Variants in EED observed in about 807,000 individuals in gnomAD.
The protein encoded by EED is embryonic ectoderm development, also known as polycomb protein EED.
EED carries 9 observed loss-of-function variants against 61.0 expected under a neutral mutation model. That is an observed-to-expected ratio of 0.15 (90% CI 0.09 to 0.26). The LOEUF is 0.26. Ranked by LOEUF, EED falls within the 10% of genes least tolerant of loss-of-function variation. The pLI is 1.00. For missense variants in EED, 315 were observed against 542.3 expected (o/e 0.58, Z 4.16); for synonymous variants, 187 against 174.4 (o/e 1.07, Z -0.57).
chr11:86,262,633 C>T (rs773879360), intron 6 of EED, among the ~76,000 whole-genome samples: 10 of 151,968 alleles, frequency 6.6e-5, no homozygotes, highest in Non-Finnish European at 1.3e-4. Flanking sequence ...ACTTCAGCCT[C>T]CCGAGTAGCT....
chr11:86,261,450 T>A (rs1041861472), intron 6 of EED, among the ~76,000 whole-genome samples: 4 of 152,204 alleles, frequency 2.6e-5, no homozygotes, highest in African/African-American at 9.6e-5. Flanking sequence ...TAGCATCTTA[T>A]GAGTTGGAGT....
At chr11:86,250,901 G>A (rs1024060561) in intron 2 of EED, among the ~76,000 whole-genome samples, 4 of 151,882 alleles carry the variant, frequency 2.6e-5, no homozygotes, top group African/African-American at 7.2e-5. Flanking sequence ...TGTTTTCAAA[G>A]AAAAAGGTGT....
rs143839328 is a variant in EED at position 86,277,184 on chromosome 11, A to C, written c.1125+46A>C. On this transcript the variant is annotated intron_variant, in intron 10 of 11. Coordinates refer to ENST00000263360, the MANE Select transcript of EED (RefSeq NM_003797.5). The stretch of plus-strand genomic sequence containing the variant: ...TTTGAAATGATCTGACTTATGAAAG[A>C]CCATTGTAATTCTAGCTTTTTCTGT... 6.6e-3 allele frequency: 9,798 copies of C among 1,485,112 alleles called. 52 individuals are homozygous for C. Among genetic ancestry groups the C allele is most frequent in the South Asian group, 0.016 (1,157 of 71,926 alleles). The allele number at this position is 1,485,112 out of a possible 1,614,324, so 92.0% of individuals were successfully genotyped here.
At chr11:86,253,337 C>T (rs1363740120) in intron 3 of EED, among the ~76,000 whole-genome samples, 1 of 152,126 alleles carries the variant, frequency 6.6e-6, no homozygotes, top group Non-Finnish European at 1.5e-5. Context: ...GAATGTAGTG[C>T]ATTAATTAAA....
intron 7 of EED, chr11:86,265,857 G>T (rs567801473): frequency 6.3e-6 from 2 of 317,318 alleles, no homozygotes; most frequent in Admixed American, 9.9e-5. Context: ...TTTTTTCTTG[G>T]TTTATACATT....
chr11:86,258,114 T>A (rs1242187856), intron 6 of EED, among the ~76,000 whole-genome samples: 2 of 152,090 alleles, frequency 1.3e-5, no homozygotes, highest in Admixed American at 1.3e-4. Flanking sequence ...TACCCTCCAG[T>A]AGGCCCCAGT....
intron 2 of EED, 89 bp downstream of exon 2, chr11:86,250,537 T>G (rs1945504296): frequency 3.0e-6 from 4 of 1,336,990 alleles, no homozygotes; most frequent in Non-Finnish European, 3.9e-6. Flanking sequence ...GGATACTCTG[T>G]CAAGTTGTAA....
rs528556395 is a variant in EED, at chr11:86,261,442, G to T, written c.635-2730G>T. Among the ~76,000 whole-genome samples, 56 of 152,344 alleles carry T rather than the reference G, an allele frequency of 3.7e-4. 2 individuals carry two copies. The highest frequency in any genetic ancestry group is 3.6e-3 in the Admixed American group (55 of 15,310). ...GGGTTTGCCACGTGCAGCCCACATA[G>T]CATCTTATGAGTTGGAGTCGGGTGC... On this transcript the variant is annotated intron_variant, in intron 6 of 11. Transcript: ENST00000263360.
chr11:86,266,145 G>T lies in EED; in HGVS notation c.789G>T (p.Trp263Cys). 6.2e-7 allele frequency: 1 copy of T among 1,605,530 alleles called. No homozygotes were observed. The highest frequency in any genetic ancestry group is 1.7e-5 in the Admixed American group (1 of 59,514). Residue 263 changes from tryptophan (W) to cysteine (C), a missense_variant, in exon 8 of 12, where the codon TGG becomes TGT. Physicochemically the swap from Trp to Cys is radical, Grantham distance 215. This residue lies in a region of EED where 205 missense variants were observed against 455.4 expected (regional missense o/e 0.45). Coordinates refer to ENST00000263360, the MANE Select transcript of EED (RefSeq NM_003797.5). ...GTATGGATCATTCTCTTAAACTTTG[G>T]AGGATCAATTCAAAGAGAATGATGA... ...SCGMDHSLKLWRINSKRMMNA... is the reference protein window; with the variant it reads ...SCGMDHSLKLCRINSKRMMNA...
rs776489375 is a variant in EED, at chr11:86,277,899, T to A, written c.1126-19T>A. On this transcript the variant is annotated intron_variant, in intron 10 of 11. Transcript: ENST00000263360. ...GGTAATTTTATTAATTTGATGTTTT[T>A]AAAAATATGTTTATACAGATGCTTG... 28 of 1,509,032 alleles carry A rather than the reference T, an allele frequency of 1.9e-5. No individual in the cohort carries two copies. Among genetic ancestry groups the A allele is most frequent in the East Asian group, 1.8e-4 (7 of 38,636 alleles). 93.5% of individuals were successfully genotyped at this position (1,509,032 alleles called of 1,614,324 possible).
intron 9 of EED, chr11:86,270,093 C>G: frequency 1.4e-6 from 1 of 699,232 alleles, no homozygotes; most frequent in Non-Finnish European, 2.6e-6. Flanking sequence ...AGTGGCCGTG[C>G]CATTTTACAT....
intron 9 of EED, among the ~76,000 whole-genome samples, chr11:86,271,683 G>A (rs1474466936): frequency 6.6e-6 from 1 of 152,082 alleles, no homozygotes; most frequent in Non-Finnish European, 1.5e-5. Flanking sequence ...CTAAATTTTT[G>A]AGAGCTTTTT....
At chr11:86,257,451 A>G in intron 5 of EED, 64 bp from the exon 6 acceptor site, 2 of 1,345,106 alleles carry the variant, frequency 1.5e-6, no homozygotes, top group South Asian at 1.4e-5. Flanking sequence ...TTCTCTAAAG[A>G]TTTATGAAAA....
chr11:86,266,671 C>T (rs2138198792), intron 8 of EED, among the ~76,000 whole-genome samples: 1 of 152,088 alleles, frequency 6.6e-6, no homozygotes, highest in South Asian at 2.1e-4. Flanking sequence ...AATGTTTTTC[C>T]CTAAATGATG....
At position 86,245,067 on chromosome 11, in the gene EED, A is replaced by C. The variant is rs1421493553; in HGVS notation, c.-163A>C. ...TCAGCAGTGTGGCGGGGTCGCACGC[A>C]CGCCCGCCTCGGCGGCTGGGCGCGA... On this transcript the variant is annotated 5_prime_UTR_variant, in exon 1 of 12. Coordinates refer to ENST00000263360, the MANE Select transcript of EED (RefSeq NM_003797.5). 26 of 539,914 alleles carry C rather than the reference A, an allele frequency of 4.8e-5. No individual in the cohort carries two copies. The highest frequency in any genetic ancestry group is 6.4e-5 in the Non-Finnish European group (20 of 311,616). The allele number at this position is 539,914 out of a possible 1,614,324, so 33.4% of individuals were successfully genotyped here.
chr11:86,264,356 T>G, intron 7 of EED, 93 bp downstream of exon 7: 1 of 857,678 alleles, frequency 1.2e-6, no homozygotes, highest in Non-Finnish European at 1.9e-6. Context: ...GTGTGTTTCA[T>G]GTAGCCTGTC....
At chr11:86,267,387 C>T (rs1442618877) in intron 8 of EED, among the ~76,000 whole-genome samples, 1 of 152,110 alleles carries the variant, frequency 6.6e-6, no homozygotes, top group Non-Finnish European at 1.5e-5. Context: ...TATGAATTGC[C>T]TAAGACAACT....
chr11:86,278,539 A>G lies in EED; in HGVS notation c.*14A>G. 6.2e-7 allele frequency: 1 copy of G among 1,611,994 alleles called. No individual in the cohort carries two copies. The highest frequency in any genetic ancestry group is 8.5e-7 in the Non-Finnish European group (1 of 1,179,068). ...CGACTTCGATAAAATACTTTTGCCTAATCAAAATTAGAGTGTGTTTGTTGT... is the reference window on the plus strand; with the variant it reads ...CGACTTCGATAAAATACTTTTGCCTGATCAAAATTAGAGTGTGTTTGTTGT... On this transcript the variant is annotated 3_prime_UTR_variant, in exon 12 of 12. Transcript: ENST00000263360.
At chr11:86,281,432 A>G (rs1199502968), downstream of EED, among the ~76,000 whole-genome samples, 2 of 150,086 alleles carry the variant, frequency 1.3e-5, no homozygotes, top group African/African-American at 4.9e-5. Flanking sequence ...TATTTCATTT[A>G]TTTCTGCTCT....
Sources: gnomAD v4.1 joint callset for allele counts (sites outside exome capture counted in the v4.1 genomes callset) on GRCh38, gnomAD v4.1.1 for gene constraint, gnomAD v4.1.1 regional missense constraint, MANE v1.5 for transcripts, NCBI Gene and HGNC (gene_info 2026-07-23, HGNC 2026-07-21) for gene names.